The following UBE2O variants were observed in gnomAD, a reference collection of about 807,000 sequenced individuals.
The protein encoded by UBE2O is (E3-independent) E2 ubiquitin-conjugating enzyme.
Under a neutral mutation model 125.8 loss-of-function variants are expected in UBE2O, and 15 were observed. That is an observed-to-expected ratio of 0.12 (90% confidence interval 0.08 to 0.18). UBE2O has a LOEUF of 0.18. Among genes scored for constraint, UBE2O ranks in the 10% least tolerant of loss-of-function variants. UBE2O has a pLI of 1.00. For missense variants in UBE2O, 1,280 were observed against 1,723.6 expected (o/e 0.74, Z 4.56); for synonymous variants, 708 against 703.2 (o/e 1.01, Z -0.11).
intron 1 of UBE2O, among the ~76,000 whole-genome samples, chr17:76,415,796 T>TGG (rs371343659): frequency 8.6e-4 from 38 of 44,134 alleles, no homozygotes; most frequent in Non-Finnish European, 1.4e-3. Context: ...AGAGCAAGAC[T>TGG]GTGTGTGTGT....
chr17:76,390,859 G>C lies in UBE2O; in HGVS notation c.*84C>G. 1 of 1,398,832 alleles carries C rather than the reference G, an allele frequency of 7.1e-7. No individual in the cohort carries two copies. The highest frequency in any genetic ancestry group is 9.7e-7 in the Non-Finnish European group (1 of 1,033,676). The allele number at this position is 1,398,832 out of a possible 1,614,324, so 86.7% of individuals were successfully genotyped here. ...GTTTGCAGTGGGGACAGAGGGGCAT[G>C]GGAAGAGGGGTGATTCCGGGGGGGA... On this transcript the variant is annotated 3_prime_UTR_variant, in exon 18 of 18. Coordinates refer to ENST00000319380, the MANE Select transcript of UBE2O (RefSeq NM_022066.4).
At position 76,400,279 on chromosome 17, in the gene UBE2O, G is replaced by A. The variant is rs1337488404; in HGVS notation, c.1023C>T (p.Cys341=). 4 of 1,613,826 alleles carry A rather than the reference G, an allele frequency of 2.5e-6. No homozygotes were observed. The highest frequency in any genetic ancestry group is 2.7e-5 in the African/African-American group (2 of 74,920). The change falls in exon 8 of 18, where the codon TGC becomes TGT. Residue 341 remains cysteine, a synonymous_variant. Transcript: ENST00000319380. The surrounding 1 kb of genome is among the most constrained non-coding windows in gnomAD (Gnocchi z 4.3). ...ENLGRVKRLG[C]FDHAQRQLGE... ...CAAGCTGCCGCTGAGCATGGTCAAA[G>A]CATCCGAGACGCTTCACCCTGGTTG...
At position 76,396,856 on chromosome 17, in the gene UBE2O, C is replaced by A; in HGVS notation, c.2116-35G>T. Reference sequence around the variant, plus strand: ...GAAGGGAAGTGCCAGGGTAAGCAGACAGGAAGTCACCTCCCCACCACTAAG... The same window carrying A: ...GAAGGGAAGTGCCAGGGTAAGCAGAAAGGAAGTCACCTCCCCACCACTAAG... On this transcript the variant is annotated intron_variant, in intron 13 of 17. Transcript: ENST00000319380. The surrounding 1 kb of genome is among the most constrained non-coding windows in gnomAD (Gnocchi z 6.7). The A allele has an allele frequency of 6.5e-7, 1 of 1,533,604 alleles. No individual in the cohort carries two copies. The allele number at this position is 1,533,604 out of a possible 1,614,324, so 95.0% of individuals were successfully genotyped here.
At chr17:76,397,661 G>T (rs752543834) in intron 13 of UBE2O, 138 bp downstream of exon 13, 89 of 832,866 alleles carry the variant, frequency 1.1e-4, no homozygotes, top group Non-Finnish European at 1.7e-4. Context: ...TGTGTGGAAT[G>T]CCTGCCTTTC....
chr17:76,432,331 T>C (rs1289617140), intron 1 of UBE2O, among the ~76,000 whole-genome samples: 2 of 152,216 alleles, frequency 1.3e-5, no homozygotes, highest in Non-Finnish European at 2.9e-5. Context: ...TAAGAAGTAC[T>C]ATAATTGTAC....
chr17:76,406,272 C>A (rs1452777449), intron 1 of UBE2O, among the ~76,000 whole-genome samples: 1 of 152,228 alleles, frequency 6.6e-6, no homozygotes, highest in Non-Finnish European at 1.5e-5. Context: ...AAAGCCCAGG[C>A]ACGTGATGCT....
At position 76,401,062 on chromosome 17, in the gene UBE2O, A is replaced by G; in HGVS notation, c.843T>C (p.Gly281=). 1.9e-6 allele frequency: 3 copies of G among 1,613,684 alleles called. No individual in the cohort carries two copies. Among genetic ancestry groups the G allele is most frequent in the South Asian group, 2.2e-5 (2 of 91,086 alleles). ...KIFSSVQWLS[G]VKPVLSTKSK... is the part of the protein sequence containing the mutation. ...TCTTGGTGCTGAGCACGGGCTTGAC[A>G]CCTGACAGCCACTGGACGCTGGAGA... The change falls in exon 6 of 18, where the codon GGT becomes GGC. Residue 281 remains glycine (G), a synonymous_variant. Coordinates refer to ENST00000319380, the MANE Select transcript of UBE2O (RefSeq NM_022066.4).
rs1371859304 is a variant in UBE2O, at chr17:76,400,992, C to T, written c.894+19G>A. 3.1e-6 allele frequency: 5 copies of T among 1,612,984 alleles called. No homozygotes were observed. In the Admixed American group the frequency reaches 8.3e-5, roughly 27 times the overall value. Reference sequence around the variant, plus strand: ...TGGAGGTCAAGGACTCCATCTCCTACCCTTGGGCCCGGACCCACCTCTTCC... The same window carrying T: ...TGGAGGTCAAGGACTCCATCTCCTATCCTTGGGCCCGGACCCACCTCTTCC... On this transcript the variant is annotated intron_variant, in intron 6 of 17. Transcript: ENST00000319380. This position sits in a 1 kb window ranked among gnomAD's most constrained non-coding sequence, Gnocchi z 4.3.
chr17:76,413,393 T>C (rs1165411051), intron 1 of UBE2O, among the ~76,000 whole-genome samples: 1 of 152,114 alleles, frequency 6.6e-6, no homozygotes, highest in Non-Finnish European at 1.5e-5. Context: ...AACCATGTGT[T>C]GTGACCCATT....
chr17:76,415,234 T>TA (rs1242916944), intron 1 of UBE2O, among the ~76,000 whole-genome samples: 2 of 152,156 alleles, frequency 1.3e-5, no homozygotes, highest in Non-Finnish European at 2.9e-5. Context: ...CCCAGGCTGC[T>TA]AATCACACAA....
chr17:76,400,569 A>C lies in UBE2O; in HGVS notation c.895-19T>G. 6.4e-7 allele frequency: 1 copy of C among 1,568,564 alleles called. No individual in the cohort carries two copies. ...CCTGCACCTGGGGATGGCAGGTGGG[A>C]CACGCCAGTCAGGGCAGGCTCTGAC... On this transcript the variant is annotated intron_variant, in intron 6 of 17. Coordinates refer to ENST00000319380, the MANE Select transcript of UBE2O (RefSeq NM_022066.4). This position sits in a 1 kb window ranked among gnomAD's most constrained non-coding sequence, Gnocchi z 4.3.
Position 76,391,383 on chromosome 17 carries a change from C to G in UBE2O, c.3439G>C (p.Glu1147Gln). Residue 1147 changes from glutamate to glutamine, a missense_variant, in exon 18 of 18, where the codon GAA (glutamate) becomes CAA (glutamine). Coordinates refer to ENST00000319380, the MANE Select transcript of UBE2O (RefSeq NM_022066.4). This position sits in a 1 kb window ranked among gnomAD's most constrained non-coding sequence, Gnocchi z 8.4. ...RLVNRIESWL[E>Q]THALLEKAQA... is the part of the protein sequence containing the mutation. ...GCCTTCTCCAGCAGGGCATGGGTTT[C>G]CAGCCAGGACTCGATACGGTTCACC... 3.1e-6 allele frequency: 5 copies of G among 1,613,382 alleles called. No homozygotes were observed. The highest frequency in any genetic ancestry group is 4.2e-6 in the Non-Finnish European group (5 of 1,180,036).
intron 13 of UBE2O, 40 bp downstream of exon 13, chr17:76,397,759 T>C (rs745639003): frequency 1.9e-6 from 3 of 1,603,412 alleles, no homozygotes; most frequent in African/African-American, 1.3e-5. Flanking sequence ...CAAGTTGCCA[T>C]AGTCACAAGC....
Position 76,396,492 on chromosome 17 carries a change from T to C in UBE2O, c.2445A>G (p.Lys815=), listed in dbSNP as rs1220794836. Residue 815 remains lysine (K), a synonymous_variant, in exon 14 of 18, where the codon AAA becomes AAG. Coordinates refer to ENST00000319380, the MANE Select transcript of UBE2O (RefSeq NM_022066.4). The surrounding 1 kb of genome is among the most constrained non-coding windows in gnomAD (Gnocchi z 6.7). ...GGCTCTCCAGGATCTTGATGGCCTCTTTCAACTCCCGGAAGCTCTTGGGTG... is the reference window on the plus strand; with the variant it reads ...GGCTCTCCAGGATCTTGATGGCCTCCTTCAACTCCCGGAAGCTCTTGGGTG... ...DGPPKSFREL[K]EAIKILESLK... The C allele has an allele frequency of 1.9e-6, 3 of 1,613,992 alleles. No individual in the cohort carries two copies. The highest frequency in any genetic ancestry group is 2.2e-5 in the East Asian group (1 of 44,876).
rs2072391076 is a variant in UBE2O at position 76,404,994 on chromosome 17, T to G, written c.588+212A>C. On this transcript the variant is annotated intron_variant, in intron 3 of 17. Coordinates refer to ENST00000319380, the MANE Select transcript of UBE2O (RefSeq NM_022066.4). This position sits in a 1 kb window ranked among gnomAD's most constrained non-coding sequence, Gnocchi z 4.3. Reference sequence around the variant, plus strand: ...CCACACTGGCAGCCTATGCTGGGGTTGGGGAAGGGCACGTCCTGACCTCAT... The same window carrying G: ...CCACACTGGCAGCCTATGCTGGGGTGGGGGAAGGGCACGTCCTGACCTCAT... Among the ~76,000 whole-genome samples the G allele has an allele frequency of 6.6e-6, 1 of 151,986 alleles. No homozygotes were observed.
intron 1 of UBE2O, among the ~76,000 whole-genome samples, chr17:76,425,225 C>CAAAAAAAAAAAAAAA (rs58377572): frequency 1.1e-3 from 109 of 94,882 alleles, no homozygotes; most frequent in Non-Finnish European, 1.8e-3. Context: ...GTCCTTTCGA[C>CAAAAAAAAAAAAAAA]AAAAAAAAAA....
At chr17:76,423,919 T>TTTTTTTTA (rs2072754905) in intron 1 of UBE2O, among the ~76,000 whole-genome samples, 1 of 132,414 alleles carries the variant, frequency 7.6e-6, no homozygotes, top group African/African-American at 2.8e-5. Context: ...TTTTTTTTTT[T>TTTTTTTTA]GAGACGGAGT....
intron 1 of UBE2O, among the ~76,000 whole-genome samples, chr17:76,416,137 A>G (rs147062349): frequency 6.6e-6 from 1 of 151,486 alleles, no homozygotes; most frequent in East Asian, 1.9e-4. Context: ...ATGTGCGTGT[A>G]TAGATATATA....
intron 5 of UBE2O, 188 bp downstream of exon 5, chr17:76,401,876 A>G (rs2072332340): frequency 7.8e-6 from 2 of 255,416 alleles, no homozygotes; most frequent in African/African-American, 2.3e-5. Flanking sequence ...TCTGTCTCAA[A>G]AAAAAAAAAA....
Sources: allele counts gnomAD v4.1 joint callset (sites outside exome capture counted in the v4.1 genomes callset), GRCh38; gene constraint gnomAD v4.1.1; non-coding constraint Gnocchi (gnomAD v3.1); transcripts MANE v1.5; gene names NCBI Gene and HGNC (gene_info 2026-07-23, HGNC 2026-07-21).